The following SFXN5 variants were observed in gnomAD, a reference collection of about 807,000 sequenced individuals.
SFXN5 encodes the protein sideroflexin-5.
Under a neutral mutation model 50.2 loss-of-function variants are expected in SFXN5, and 43 were observed. The observed-to-expected ratio is 0.86, with a 90% CI of 0.67 to 1.11. The LOEUF is 1.11. Among genes scored for constraint, SFXN5 ranks in the 50% least tolerant of loss-of-function variants. The pLI, the probability that SFXN5 is intolerant of heterozygous loss-of-function variation, is 0.00. For missense variants in SFXN5, 463 were observed against 454.1 expected, an observed-to-expected ratio of 1.02 and a Z score of -0.18; for synonymous variants, 203 against 185.8, an observed-to-expected ratio of 1.09 and a Z score of -0.75.
rs779259113 is a variant in SFXN5 at position 72,998,964 on chromosome 2, G to A, written c.519C>T (p.Ser173=). Residue 173 remains serine, a synonymous_variant, in exon 9 of 14, where the codon AGC becomes AGT. Transcript: ENST00000272433. ...FIQGYLGAVI[S]AVSIAVGLNV... is the part of the protein sequence containing the mutation. ...GAGTACTCACAGCAATGGAGACGGC[G>A]CTGATGACAGCTCCCAGGTATCCCT... 3.2e-5 allele frequency: 52 copies of A among 1,613,980 alleles called. 1 individual carries two copies. The highest frequency in any genetic ancestry group is 1.6e-4 in the Middle Eastern group (1 of 6,084).
intron 10 of SFXN5, among the ~76,000 whole-genome samples, chr2:72,982,410 T>A (rs917631518): frequency 6.6e-6 from 1 of 152,242 alleles, no homozygotes; most frequent in African/African-American, 2.4e-5. Flanking sequence ...CTACAGAATC[T>A]GGCCACCACT....
At chr2:73,069,276 T>C (rs1160161671) in intron 1 of SFXN5, among the ~76,000 whole-genome samples, 1 of 152,178 alleles carries the variant, frequency 6.6e-6, no homozygotes, top group African/African-American at 2.4e-5. Flanking sequence ...GTGAGGCTAC[T>C]GCAGTGACCC....
At chr2:72,995,736 A>G (rs1673145827) in intron 9 of SFXN5, among the ~76,000 whole-genome samples, 1 of 152,188 alleles carries the variant, frequency 6.6e-6, no homozygotes, top group Non-Finnish European at 1.5e-5. Flanking sequence ...TAATTGAAAC[A>G]GAGATCAGTT....
rs200327730 is a variant in SFXN5 at position 73,040,836 on chromosome 2, C to G, written c.249+18G>C. The G allele has an allele frequency of 5.4e-4, 866 of 1,597,454 alleles. 1 individual carries two copies. The highest frequency in any genetic ancestry group is 1.2e-3 in the Middle Eastern group (7 of 5,970). On this transcript the variant is annotated intron_variant, in intron 3 of 13. Transcript: ENST00000272433. ...TTCCCTTCCCCACTGGCCATGCTCC[C>G]ACCTCCCACAGAGTTACCTGTTCAT... is the stretch of plus-strand genomic sequence containing the variant.
At chr2:73,042,063 A>T (rs10189744) in intron 2 of SFXN5, among the ~76,000 whole-genome samples, 40,487 of 152,060 alleles carry the variant, frequency 0.27, 5,729 homozygotes, top group East Asian at 0.5. Context: ...GGCAGAGATT[A>T]ACCTACTAAA....
In SFXN5 at chr2:73,059,764, A is replaced by G. The variant is rs1682600589; in HGVS notation, c.103-1168T>C. The stretch of plus-strand genomic sequence containing the variant: ...TCTTATAATCCACACAGCCCAGACC[A>G]TTTTCCCATTAAAGACATACATAAG... On this transcript the variant is annotated intron_variant, in intron 1 of 13. Transcript: ENST00000272433. 4.1e-6 allele frequency: 4 copies of G among 979,634 alleles called. 1 individual carries two copies. In the South Asian group the frequency reaches 1.9e-4, roughly 47 times the overall value. 60.7% of individuals were successfully genotyped at this position (979,634 alleles called of 1,614,324 possible). A position where few individuals can be genotyped will look rare whatever the true frequency, so the allele number is the denominator to read the frequency against.
chr2:72,972,743 C>T (rs1157850948), intron 10 of SFXN5, among the ~76,000 whole-genome samples: 2 of 152,246 alleles, frequency 1.3e-5, no homozygotes, highest in Non-Finnish European at 2.9e-5. Context: ...CTTCACTCCT[C>T]CCCCCAAAGC....
intron 13 of SFXN5, among the ~76,000 whole-genome samples, chr2:72,949,819 G>C (rs1375726781): frequency 6.6e-6 from 1 of 152,138 alleles, no homozygotes; most frequent in East Asian, 1.9e-4. Flanking sequence ...CCACGTGGGG[G>C]TGAGAGGGAG....
chr2:73,066,278 C>G (rs1683171042), intron 1 of SFXN5, among the ~76,000 whole-genome samples: 1 of 152,122 alleles, frequency 6.6e-6, no homozygotes, highest in Non-Finnish European at 1.5e-5. Context: ...ACAAAAGAGG[C>G]CGGGTGTGGT....
chr2:72,949,608 C>T (rs530813087), intron 13 of SFXN5, among the ~76,000 whole-genome samples: 159 of 151,600 alleles, frequency 1.0e-3, no homozygotes, highest in African/African-American at 3.5e-3. Flanking sequence ...CGTGCCTGGC[C>T]TTAGACTGTC....
intron 13 of SFXN5, among the ~76,000 whole-genome samples, chr2:72,948,973 G>A (rs759017092): frequency 2.0e-5 from 3 of 152,174 alleles, no homozygotes; most frequent in Non-Finnish European, 1.5e-5. Flanking sequence ...ATGGAGTCCA[G>A]AGAGACAAGC....
rs528088562 is a variant in SFXN5, at chr2:73,056,980, T to C, written c.171+1548A>G. Among the ~76,000 whole-genome samples the C allele has an allele frequency of 2.0e-5, 3 of 152,216 alleles. No homozygotes were observed. The South Asian group carries it at 6.2e-4, about 32-fold the overall frequency. On this transcript the variant is annotated intron_variant, in intron 2 of 13. Coordinates refer to ENST00000272433, the MANE Select transcript of SFXN5 (RefSeq NM_144579.3). ...CATACATCCACACAAAGAATGTTCATATAGTTTTATTCATAATAGCCAAAA... is the reference window on the plus strand; with the variant it reads ...CATACATCCACACAAAGAATGTTCACATAGTTTTATTCATAATAGCCAAAA...
intron 3 of SFXN5, among the ~76,000 whole-genome samples, chr2:73,037,369 G>A (rs192326237): frequency 6.6e-5 from 10 of 152,216 alleles, no homozygotes; most frequent in African/African-American, 1.9e-4. Context: ...CCCTACCCTC[G>A]CTTCTGGCCC....
chr2:72,965,766 C>T (rs1160816887), intron 12 of SFXN5, among the ~76,000 whole-genome samples: 1 of 152,224 alleles, frequency 6.6e-6, no homozygotes, highest in African/African-American at 2.4e-5. Flanking sequence ...GGGACACTAA[C>T]CATCATTCCA....
intron 12 of SFXN5, among the ~76,000 whole-genome samples, chr2:72,963,149 CG>C (rs933524376): frequency 6.6e-6 from 1 of 152,166 alleles, no homozygotes; most frequent in African/African-American, 2.4e-5. Context: ...TGTGGAAGGA[CG>C]GGGCTGCCCT....
intron 1 of SFXN5, among the ~76,000 whole-genome samples, chr2:73,065,087 A>G (rs1683078434): frequency 6.6e-6 from 1 of 150,992 alleles, no homozygotes; most frequent in African/African-American, 2.4e-5. Context: ...ACACCTCGCC[A>G]GAAGTTGTTA....
chr2:73,058,183 T>G (rs1682380360), intron 2 of SFXN5: 2 of 196,768 alleles, frequency 1.0e-5, no homozygotes, highest in South Asian at 2.4e-4. Flanking sequence ...TTAAACATAT[T>G]TGTACTGTTT....
chr2:73,037,825 AAAAAGACT>A (rs1679156737), intron 3 of SFXN5, among the ~76,000 whole-genome samples: 1 of 152,252 alleles, frequency 6.6e-6, no homozygotes. Context: ...TTTCAGACAT[AAAAAGACT>A]CAAAACTTTC....
intron 2 of SFXN5, among the ~76,000 whole-genome samples, chr2:73,054,798 T>G (rs1681875624): frequency 6.6e-6 from 1 of 152,246 alleles, no homozygotes; most frequent in Non-Finnish European, 1.5e-5. Flanking sequence ...TGTCTAGTTT[T>G]GCAGTTCTGG....
Sources: gnomAD v4.1 joint callset for allele counts (sites outside exome capture counted in the v4.1 genomes callset) on GRCh38, gnomAD v4.1.1 for gene constraint, MANE v1.5 for transcripts, NCBI Gene and HGNC (gene_info 2026-07-23, HGNC 2026-07-21) for gene names.